The following SRBD1 variants were observed in gnomAD, a reference collection of about 807,000 sequenced individuals.
SRBD1 encodes S1 RNA-binding domain-containing protein 1.
Under a neutral mutation model 115.3 loss-of-function variants are expected in SRBD1, and 88 were observed. The ratio of observed to expected loss-of-function variants is 0.76; its 90% confidence interval spans 0.64 to 0.91. The LOEUF (loss-of-function observed/expected upper bound fraction) is 0.91, where lower values mean the gene tolerates loss of function less well. SRBD1 is among the 40% of genes least tolerant of loss of function. The probability of loss-of-function intolerance (pLI) is 0.00; values close to 1 mark genes in which losing one functional copy is unlikely to be tolerated. For synonymous variants in SRBD1, 509 were observed against 407.7 expected (o/e 1.25, Z -2.99); for missense variants, 1,385 against 1,177.4 (o/e 1.18, Z -2.58).
At chr2:45,567,146 G>A (rs576844210) in intron 9 of SRBD1, among the ~76,000 whole-genome samples, 52 of 152,060 alleles carry the variant, frequency 3.4e-4, no homozygotes, top group African/African-American at 1.1e-3. Flanking sequence ...AAGATAAAAC[G>A]CGTATTTTTT....
rs778498011 is a variant in SRBD1 at position 45,599,648 on chromosome 2, T to C, written c.449A>G (p.Asn150Ser). 9.3e-6 allele frequency: 15 copies of C among 1,614,236 alleles called. No homozygotes were observed. The Admixed American group carries it at 1.8e-4, about 20-fold the overall frequency. The stretch of plus-strand genomic sequence containing the variant: ...GCTTGTGGATGGTGTCTCTGAACTA[T>C]TACTCTCACCCTCTAAGTTGCTGGC... ...SKASNLEGES[N>S]SSETPSTSTV... is the part of the protein sequence containing the mutation. Residue 150 changes from asparagine to serine, a missense_variant, in exon 4 of 21, where the codon AAT becomes AGT. Physicochemically the swap from Asn to Ser is conservative, Grantham distance 46 (BLOSUM62 1). Transcript: ENST00000263736.
chr2:45,585,259 T>C (rs1162780998), intron 5 of SRBD1, among the ~76,000 whole-genome samples: 1 of 152,200 alleles, frequency 6.6e-6, no homozygotes, highest in Non-Finnish European at 1.5e-5. Context: ...GACAGATTTA[T>C]GTGAGTGGTT....
Position 45,581,747 on chromosome 2 carries a change from C to T in SRBD1, c.879G>A (p.Glu293=). 1 of 1,613,588 alleles carries T rather than the reference C, an allele frequency of 6.2e-7. No homozygotes were observed. The highest frequency in any genetic ancestry group is 1.7e-4 in the Middle Eastern group (1 of 6,058). The stretch of plus-strand genomic sequence containing the variant: ...AATTCAGCATGGCTTTTAACAAGCA[C>T]TCAGACATCTTCCCTTCCTTCTTAA... The part of the protein sequence containing the change: ...QKIKKEGKMS[E]CLLKAMLNCK... The change falls in exon 6 of 21, where the codon GAG becomes GAA. Residue 293 remains glutamate (E), a synonymous_variant. Transcript: ENST00000263736.
intron 10 of SRBD1, among the ~76,000 whole-genome samples, chr2:45,559,975 G>A (rs1342579400): frequency 6.6e-6 from 1 of 152,094 alleles, no homozygotes; most frequent in Non-Finnish European, 1.5e-5. Flanking sequence ...CAGCTACTCA[G>A]GAGGCTCAGG....
At chr2:45,506,206 T>C (rs982725834) in intron 14 of SRBD1, among the ~76,000 whole-genome samples, 1 of 152,140 alleles carries the variant, frequency 6.6e-6, no homozygotes, top group Non-Finnish European at 1.5e-5. Context: ...ATGAGCAGTA[T>C]ATGATTAATA....
At chr2:45,533,294 T>C (rs1348236204) in intron 14 of SRBD1, among the ~76,000 whole-genome samples, 1 of 152,036 alleles carries the variant, frequency 6.6e-6, no homozygotes, top group African/African-American at 2.4e-5. Flanking sequence ...TTACCTGTTG[T>C]TCACCAAAAC....
chr2:45,554,902 T>A (rs1672424668), intron 10 of SRBD1, among the ~76,000 whole-genome samples: 2 of 152,104 alleles, frequency 1.3e-5, no homozygotes, highest in Admixed American at 1.3e-4. Context: ...ATGTTAAGTT[T>A]TCCATTTGAA....
chr2:45,486,501 G>A (rs1485264003), intron 15 of SRBD1, among the ~76,000 whole-genome samples: 2 of 152,100 alleles, frequency 1.3e-5, no homozygotes, highest in Middle Eastern at 3.2e-3. Context: ...GCCGAGGTGG[G>A]TGGATCATGA....
intron 14 of SRBD1, among the ~76,000 whole-genome samples, chr2:45,504,857 G>A (rs1670750494): frequency 6.6e-6 from 1 of 152,098 alleles, no homozygotes; most frequent in Admixed American, 6.5e-5. Context: ...GATCGTAACA[G>A]AAGCCCATCC....
At chr2:45,545,605 T>C (rs1383584285) in intron 14 of SRBD1, among the ~76,000 whole-genome samples, 2 of 152,202 alleles carry the variant, frequency 1.3e-5, no homozygotes, top group African/African-American at 2.4e-5. Context: ...TCAAAAGGAC[T>C]GGGTGCACGT....
chr2:45,606,577 C>A (rs1674281954), intron 1 of SRBD1, among the ~76,000 whole-genome samples: 1 of 152,118 alleles, frequency 6.6e-6, no homozygotes, highest in Non-Finnish European at 1.5e-5. Flanking sequence ...GATAATCATT[C>A]CCTTATAATA....
chr2:45,557,341 G>A (rs1672512985), intron 10 of SRBD1, among the ~76,000 whole-genome samples: 1 of 152,208 alleles, frequency 6.6e-6, no homozygotes, highest in Non-Finnish European at 1.5e-5. Flanking sequence ...TTTAATGTAT[G>A]TATCTGATTT....
At chr2:45,525,809 G>C (rs1572734549) in intron 14 of SRBD1, among the ~76,000 whole-genome samples, 1 of 140,228 alleles carries the variant, frequency 7.1e-6, no homozygotes, top group Non-Finnish European at 1.6e-5. Flanking sequence ...AATGAGCAAA[G>C]AATATGAATA....
intron 16 of SRBD1, among the ~76,000 whole-genome samples, chr2:45,455,571 C>G (rs755625896): frequency 6.6e-6 from 1 of 151,788 alleles, no homozygotes; most frequent in Non-Finnish European, 1.5e-5. Context: ...ATTATCCTAA[C>G]TCTGAAGGCC....
chr2:45,571,517 CAAAAAAAAAAA>C (rs58100763), intron 9 of SRBD1, among the ~76,000 whole-genome samples: 2 of 39,404 alleles, frequency 5.1e-5, no homozygotes, highest in African/African-American at 9.0e-5. Flanking sequence ...CAGACTTTAC[CAAAAAAAAAAA>C]AAAAAAAAAA....
At chr2:45,535,886 G>A (rs1673297935) in intron 14 of SRBD1, among the ~76,000 whole-genome samples, 1 of 151,922 alleles carries the variant, frequency 6.6e-6, no homozygotes, top group South Asian at 2.1e-4. Context: ...TACATGGGGG[G>A]AAGCAGGAAA....
chr2:45,602,325 A>G (rs1674120988), intron 2 of SRBD1, among the ~76,000 whole-genome samples: 1 of 152,168 alleles, frequency 6.6e-6, no homozygotes, highest in Non-Finnish European at 1.5e-5. Flanking sequence ...TTCTCTTCTC[A>G]CCTAACTGAC....
intron 2 of SRBD1, among the ~76,000 whole-genome samples, chr2:45,602,800 G>C (rs1388572723): frequency 6.6e-6 from 1 of 152,182 alleles, no homozygotes; most frequent in African/African-American, 2.4e-5. Context: ...CAATATTAGT[G>C]AGACTTCCTT....
At chr2:45,502,338 C>T (rs1408081197) in intron 14 of SRBD1, among the ~76,000 whole-genome samples, 1 of 152,184 alleles carries the variant, frequency 6.6e-6, no homozygotes. Context: ...TGGGTAGATA[C>T]CCAAAGGATT....
Sources: gnomAD v4.1 joint callset for allele counts (sites outside exome capture counted in the v4.1 genomes callset) on GRCh38, gnomAD v4.1.1 for gene constraint, MANE v1.5 for transcripts, NCBI Gene and HGNC (gene_info 2026-07-23, HGNC 2026-07-21) for gene names.